MGAT4C: variants seen among roughly 807,000 people sequenced by gnomAD.
The protein encoded by MGAT4C is alpha-1,3-mannosyl-glycoprotein 4-beta-N-acetylglucosaminyltransferase C.
Under a neutral mutation model 40.1 loss-of-function variants are expected in MGAT4C, and 19 were observed. The observed-to-expected ratio is 0.47, with a 90% CI of 0.33 to 0.70. The LOEUF (loss-of-function observed/expected upper bound fraction) is 0.70. MGAT4C is among the 30% of genes least tolerant of loss of function. The probability of loss-of-function intolerance (pLI) is 0.02; values close to 1 mark genes in which losing one functional copy is unlikely to be tolerated. For missense variants in MGAT4C, 491 were observed against 563.2 expected (o/e 0.87, Z 1.30); for synonymous variants, 181 against 187.1 (o/e 0.97, Z 0.27).
At chr12:86,818,295 C>T (rs1238430307) in intron 1 of MGAT4C, among the ~76,000 whole-genome samples, 1 of 150,770 alleles carries the variant, frequency 6.6e-6, no homozygotes, top group Non-Finnish European at 1.5e-5. Context: ...TATAAAATAA[C>T]AAATCAGAAT....
At chr12:86,211,794 GT>G (rs923249337) in intron 1 of MGAT4C, among the ~76,000 whole-genome samples, 6 of 147,510 alleles carry the variant, frequency 4.1e-5, no homozygotes, top group Admixed American at 1.3e-4. Flanking sequence ...TTGTTGTTTT[GT>G]TTTTTTTTTC....
intron 1 of MGAT4C, among the ~76,000 whole-genome samples, chr12:86,821,347 A>G (rs1307671843): frequency 6.6e-6 from 1 of 150,804 alleles, no homozygotes; most frequent in African/African-American, 2.4e-5. Context: ...AAGTTAAGCA[A>G]CGTTTAATCT....
At chr12:86,818,781 C>T (rs1295308430) in intron 1 of MGAT4C, among the ~76,000 whole-genome samples, 1 of 151,076 alleles carries the variant, frequency 6.6e-6, no homozygotes, top group African/African-American at 2.4e-5. Flanking sequence ...TGATAAAGAA[C>T]TTCAGTAATG....
At chr12:86,318,482 T>C (rs61950700) in intron 4 of MGAT4C, among the ~76,000 whole-genome samples, 1,701 of 152,282 alleles carry the variant, frequency 0.011, 11 homozygotes, top group Non-Finnish European at 0.019. Context: ...CTCTTCACAA[T>C]TGTTGGAACA....
At chr12:86,796,372 G>A (rs1163869135) in intron 1 of MGAT4C, among the ~76,000 whole-genome samples, 4 of 151,946 alleles carry the variant, frequency 2.6e-5, no homozygotes, top group African/African-American at 7.2e-5. Context: ...GTTTGCCAAA[G>A]CAAGGTTCAT....
At chr12:86,390,845 C>T (rs954295957) in intron 3 of MGAT4C, among the ~76,000 whole-genome samples, 4 of 152,088 alleles carry the variant, frequency 2.6e-5, no homozygotes, top group African/African-American at 2.4e-5. Flanking sequence ...GAAACTGAGG[C>T]TCAAGATTAA....
intron 3 of MGAT4C, among the ~76,000 whole-genome samples, chr12:86,356,121 T>C (rs1400204687): frequency 6.6e-6 from 1 of 152,002 alleles, no homozygotes; most frequent in Non-Finnish European, 1.5e-5. Flanking sequence ...CAACCAAATA[T>C]AATAAGGTAT....
chr12:86,593,084 C>A (rs926312261), intron 2 of MGAT4C, among the ~76,000 whole-genome samples: 3 of 149,126 alleles, frequency 2.0e-5, no homozygotes, highest in African/African-American at 4.9e-5. Context: ...TTTTTTTTTT[C>A]TTTCTAGATT....
intron 1 of MGAT4C, among the ~76,000 whole-genome samples, chr12:86,068,988 A>G (rs1374612113): frequency 6.6e-6 from 1 of 151,788 alleles, no homozygotes; most frequent in Non-Finnish European, 1.5e-5. Context: ...CACCACTCCA[A>G]CCTATATGTG....
At position 85,959,323 on chromosome 12, in the gene MGAT4C, T is replaced by C. The variant is rs1882986470; in HGVS notation, c.*19966A>G. 1 of 152,102 alleles carries C rather than the reference T, an allele frequency of 6.6e-6. No individual in the cohort carries two copies. The highest frequency in any genetic ancestry group is 6.6e-5 in the Admixed American group (1 of 15,252). 9.4% of individuals were successfully genotyped at this position (152,102 alleles called of 1,614,324 possible). ...AAGATCATGTAAATTTATTTGGATA[T>C]GCTGAAAAAAGAGGGGGTATAAAAT... On this transcript the variant is annotated 3_prime_UTR_variant, in exon 5 of 5. Coordinates refer to ENST00000611864, the MANE Select transcript of MGAT4C (RefSeq NM_001351288.2).
intron 1 of MGAT4C, among the ~76,000 whole-genome samples, chr12:86,201,419 T>C (rs987114447): frequency 8.1e-5 from 12 of 148,288 alleles, no homozygotes; most frequent in African/African-American, 2.7e-4. Context: ...TTATAAGCCT[T>C]ATAATATTTT....
chr12:86,199,977 TA>T (rs1320431735), intron 1 of MGAT4C, among the ~76,000 whole-genome samples: 2 of 152,060 alleles, frequency 1.3e-5, no homozygotes, highest in Admixed American at 1.3e-4. Flanking sequence ...AATCAGAATA[TA>T]GAACATTTCC....
At chr12:86,006,811 T>A in intron 2 of MGAT4C, among the ~76,000 whole-genome samples, 1 of 152,188 alleles carries the variant, frequency 6.6e-6, no homozygotes, top group East Asian at 1.9e-4. Flanking sequence ...ACCCTCTTAG[T>A]GATTTTTCCA....
At chr12:85,997,009 C>T (rs1178210155) in intron 2 of MGAT4C, among the ~76,000 whole-genome samples, 1 of 152,132 alleles carries the variant, frequency 6.6e-6, no homozygotes, top group Non-Finnish European at 1.5e-5. Context: ...AATCTGTTTT[C>T]ATGCTGCTGA....
intron 2 of MGAT4C, among the ~76,000 whole-genome samples, chr12:86,691,645 C>A (rs887101211): frequency 6.6e-6 from 1 of 152,098 alleles, no homozygotes; most frequent in Admixed American, 6.6e-5. Context: ...CAAAATAAAT[C>A]ATCTATTAGG....
At chr12:86,566,763 T>TGA (rs1270022749) in intron 2 of MGAT4C, among the ~76,000 whole-genome samples, 1 of 147,822 alleles carries the variant, frequency 6.8e-6, no homozygotes, top group Non-Finnish European at 1.5e-5. Flanking sequence ...TGTGTGTGTA[T>TGA]ATATATATAT....
chr12:86,518,842 A>C (rs546198244), intron 2 of MGAT4C, among the ~76,000 whole-genome samples: 2 of 152,332 alleles, frequency 1.3e-5, no homozygotes, highest in East Asian at 3.9e-4. Context: ...TGTTCAATGA[A>C]ATCCTACTCA....
chr12:86,061,546 G>C (rs1362064935), intron 1 of MGAT4C, among the ~76,000 whole-genome samples: 1 of 152,014 alleles, frequency 6.6e-6, no homozygotes, highest in African/African-American at 2.4e-5. Context: ...CTTGGAAAGG[G>C]GGCTGAAGTC....
rs147294761 is a variant in MGAT4C, at chr12:86,359,014, T to C, written c.-119-24887A>G. The stretch of plus-strand genomic sequence containing the variant: ...TACAGAACTCTCCACCCCAAATCAA[T>C]AGAATATACATTCTTCTCAGCAGCA... On this transcript the variant is annotated intron_variant, in intron 3 of 7. Transcript: ENST00000548651. 1.8e-3 allele frequency among the ~76,000 whole-genome samples: 270 copies of C among 152,178 alleles called. 3 individuals carry two copies. Among genetic ancestry groups the C allele is most frequent in the Middle Eastern group, 0.014 (4 of 294 alleles).
Sources: gnomAD v4.1 joint callset for allele counts (sites outside exome capture counted in the v4.1 genomes callset) on GRCh38, gnomAD v4.1.1 for gene constraint, MANE v1.5 for transcripts, NCBI Gene and HGNC (gene_info 2026-07-23, HGNC 2026-07-21) for gene names.